WFDC10B: variants seen among roughly 807,000 people sequenced by gnomAD.
The protein encoded by WFDC10B is WAP four-disulfide core domain 10B.
In WFDC10B, 1 loss-of-function variant was observed where a neutral mutation model predicts 2.7. That is an observed-to-expected ratio of 0.38 (90% CI 0.13 to 1.79). WFDC10B has a LOEUF of 1.79. Among genes scored for constraint, WFDC10B ranks in the 40% most tolerant of loss-of-function variants. WFDC10B has a pLI of 0.33. For missense variants in WFDC10B, 71 were observed against 87.8 expected (o/e 0.81, Z 0.76); for synonymous variants, 26 against 32.2 (o/e 0.81, Z 0.65).
At chr20:45,694,327 C>G (rs1293179615) in intron 2 of WFDC10B, among the ~76,000 whole-genome samples, 1 of 151,914 alleles carries the variant, frequency 6.6e-6, no homozygotes, top group Non-Finnish European at 1.5e-5. Flanking sequence ...AAGGAAGAGG[C>G]CCAGTTTCAA....
Position 45,684,731 on chromosome 20 carries a change from T to C in WFDC10B, c.*99A>G. 6.6e-7 allele frequency: 1 copy of C among 1,514,104 alleles called. No homozygotes were observed. The highest frequency in any genetic ancestry group is 9.0e-7 in the Non-Finnish European group (1 of 1,114,142). The allele number at this position is 1,514,104 out of a possible 1,614,324, so 93.8% of individuals were successfully genotyped here. On this transcript the variant is annotated 3_prime_UTR_variant, in exon 4 of 4. Transcript: ENST00000330523. ...GAGGGTGGCATTCCTGTTGATGTTC[T>C]TGTGCTGATGATTTGATGTCCTTGT...
At chr20:45,695,362 A>G (rs1358827647) in intron 2 of WFDC10B, among the ~76,000 whole-genome samples, 3 of 152,230 alleles carry the variant, frequency 2.0e-5, no homozygotes, top group African/African-American at 4.8e-5. Flanking sequence ...CCCTCTTTCA[A>G]TAATGAATAG....
intron 2 of WFDC10B, among the ~76,000 whole-genome samples, chr20:45,696,068 C>T (rs530940633): frequency 1.3e-5 from 2 of 151,878 alleles, no homozygotes; most frequent in South Asian, 2.1e-4. Flanking sequence ...AGGCAGATCA[C>T]GAGGTCAGGA....
chr20:45,690,970 T>G (rs1337951218), intron 2 of WFDC10B, among the ~76,000 whole-genome samples: 1 of 152,236 alleles, frequency 6.6e-6, no homozygotes, highest in Non-Finnish European at 1.5e-5. Context: ...CTTGTGGGCA[T>G]TTAGTGTCAT....
intron 2 of WFDC10B, among the ~76,000 whole-genome samples, chr20:45,686,770 C>T (rs1005773492): frequency 6.6e-6 from 1 of 151,682 alleles, no homozygotes; most frequent in Non-Finnish European, 1.5e-5. Flanking sequence ...TCAAGCAATT[C>T]GCACCTCAGC....
intron 2 of WFDC10B, among the ~76,000 whole-genome samples, chr20:45,692,953 G>C (rs542433287): frequency 6.6e-6 from 1 of 152,166 alleles, no homozygotes; most frequent in South Asian, 2.1e-4. Context: ...CCCCATCTTT[G>C]TGGTCTTATC....
rs1053762596 is a variant in WFDC10B at position 45,692,568 on chromosome 20, C to T, written c.-64-6512G>A. Among the ~76,000 whole-genome samples, 8 of 152,174 alleles carry T rather than the reference C, an allele frequency of 5.3e-5. No individual in the cohort carries two copies. In the South Asian group the frequency reaches 1.0e-3, roughly 20 times the overall value. On this transcript the variant is annotated intron_variant, in intron 2 of 3. Transcript: ENST00000330523. The stretch of plus-strand genomic sequence containing the variant: ...TCCTTTTTCTCTAAACTTCCCTTCT[C>T]GCTTCATTTCATTCGTCTTCCATCA...
At chr20:45,704,862 T>G in intron 1 of WFDC10B, 56 bp downstream of exon 1, 1 of 1,570,970 alleles carries the variant, frequency 6.4e-7, no homozygotes, top group Non-Finnish European at 8.8e-7. Flanking sequence ...ACAAATGCCT[T>G]TATCCACAGA....
chr20:45,687,718 A>G (rs1983667005), intron 2 of WFDC10B, among the ~76,000 whole-genome samples: 1 of 151,996 alleles, frequency 6.6e-6, no homozygotes, highest in African/African-American at 2.4e-5. Flanking sequence ...CTGGCGTAAG[A>G]TGGTATCTCA....
intron 3 of WFDC10B, 136 bp from the exon 4 acceptor site, chr20:45,685,096 C>T (rs45570138): frequency 3.9e-4 from 433 of 1,109,376 alleles, no homozygotes; most frequent in Admixed American, 5.5e-4. Flanking sequence ...AGGGAACTTC[C>T]TTCCAGCCCA....
At chr20:45,687,587 A>T (rs1222656284) in intron 2 of WFDC10B, among the ~76,000 whole-genome samples, 1 of 152,136 alleles carries the variant, frequency 6.6e-6, no homozygotes, top group African/African-American at 2.4e-5. Context: ...GAATCATCAC[A>T]TTGTCTTCCA....
intron 2 of WFDC10B, among the ~76,000 whole-genome samples, chr20:45,703,050 A>G (rs1157889583): frequency 6.6e-6 from 1 of 152,212 alleles, no homozygotes; most frequent in Non-Finnish European, 1.5e-5. Flanking sequence ...TGCCCAGGGT[A>G]GAGTTAATTG....
chr20:45,698,750 T>A (rs1266231831), intron 2 of WFDC10B, among the ~76,000 whole-genome samples: 2 of 152,120 alleles, frequency 1.3e-5, no homozygotes, highest in Non-Finnish European at 2.9e-5. Context: ...GTGGATCACC[T>A]GAGGTCAGGA....
At chr20:45,698,043 C>T (rs541413100) in intron 2 of WFDC10B, among the ~76,000 whole-genome samples, 57 of 152,270 alleles carry the variant, frequency 3.7e-4, no homozygotes, top group Non-Finnish European at 4.6e-4. Context: ...CACACCTGGC[C>T]GGATTTTTCT....
At chr20:45,687,060 G>A (rs1600952352) in intron 2 of WFDC10B, among the ~76,000 whole-genome samples, 1 of 152,156 alleles carries the variant, frequency 6.6e-6, no homozygotes, top group African/African-American at 2.4e-5. Context: ...GGATGTGCAG[G>A]TTTGTTGCAT....
chr20:45,684,775 G>A lies in WFDC10B; in HGVS notation c.*55C>T. 1 of 1,597,042 alleles carries A rather than the reference G, an allele frequency of 6.3e-7. No individual in the cohort carries two copies. The highest frequency in any genetic ancestry group is 1.1e-5 in the South Asian group (1 of 88,292). On this transcript the variant is annotated 3_prime_UTR_variant, in exon 4 of 4. Coordinates refer to ENST00000330523, the MANE Select transcript of WFDC10B (RefSeq NM_172006.2). ...TCCTTGTGCTTCGGATGTGGGCACA[G>A]TCTCGGATGGAAGGGTTCAGGGAGC...
At position 45,704,948 on chromosome 20, in the gene WFDC10B, ATTTGTCCTACAC is replaced by A. The variant is rs768247886; in HGVS notation, c.-172_-161del. 6.2e-7 allele frequency: 1 copy of A among 1,613,796 alleles called. No homozygotes were observed. The highest frequency in any genetic ancestry group is 1.3e-5 in the African/African-American group (1 of 74,834). On this transcript the variant is annotated 5_prime_UTR_variant, in exon 1 of 4. Transcript: ENST00000330523. ...GGTGTAACCAAAATCCCAAAGCAAA[ATTTGTCCTACAC>A]TTTTGCTTGCCCTCCTTTCACAAGA...
chr20:45,691,294 G>GA (rs573809694), intron 2 of WFDC10B, among the ~76,000 whole-genome samples: 2 of 151,914 alleles, frequency 1.3e-5, no homozygotes, highest in African/African-American at 2.4e-5. Flanking sequence ...TTGTGGTGCT[G>GA]AAAAAAAATG....
chr20:45,698,505 G>GA (rs2042626882), intron 2 of WFDC10B, among the ~76,000 whole-genome samples: 1 of 145,172 alleles, frequency 6.9e-6, no homozygotes, highest in South Asian at 2.2e-4. Flanking sequence ...TGGAATGGGA[G>GA]AAAATATTTG....
Sources: allele counts gnomAD v4.1 joint callset (sites outside exome capture counted in the v4.1 genomes callset), GRCh38; gene constraint gnomAD v4.1.1; transcripts MANE v1.5; gene names NCBI Gene and HGNC (gene_info 2026-07-23, HGNC 2026-07-21).